CDH13: variants seen among roughly 807,000 people sequenced by gnomAD.
CDH13 encodes the protein cadherin 13.
CDH13 carries 24 observed loss-of-function variants against 63.8 expected under a neutral mutation model. That is an observed-to-expected ratio of 0.38 (90% CI 0.27 to 0.53). The LOEUF is 0.53. Among genes scored for constraint, CDH13 ranks in the 20% least tolerant of loss-of-function variants. CDH13 has a pLI of 0.85. For missense variants in CDH13, 1,049 were observed against 903.1 expected, an observed-to-expected ratio of 1.16 and a Z score of -2.07; for synonymous variants, 503 against 355.3, an observed-to-expected ratio of 1.42 and a Z score of -4.67.
intron 8 of CDH13, among the ~76,000 whole-genome samples, chr16:83,631,886 T>C (rs1910809510): frequency 1.3e-5 from 2 of 152,204 alleles, no homozygotes; most frequent in South Asian, 2.1e-4. Flanking sequence ...ATCAAGGTCA[T>C]GGATCCCAGG....
chr16:82,756,124 A>G (rs2151076387), intron 1 of CDH13, among the ~76,000 whole-genome samples: 1 of 152,330 alleles, frequency 6.6e-6, no homozygotes, highest in South Asian at 2.1e-4. Context: ...TATCATGGAA[A>G]GATTTTTGAG....
intron 11 of CDH13, among the ~76,000 whole-genome samples, chr16:83,752,344 T>C (rs552970158): frequency 2.0e-5 from 3 of 152,368 alleles, no homozygotes; most frequent in African/African-American, 7.2e-5. Context: ...AGTGACACTG[T>C]GTGCGTATAT....
chr16:83,392,789 C>G (rs1027829553), intron 6 of CDH13, among the ~76,000 whole-genome samples: 2 of 151,938 alleles, frequency 1.3e-5, no homozygotes, highest in Admixed American at 6.6e-5. Flanking sequence ...TATGCGGTGC[C>G]ATCTTTAAAT....
intron 2 of CDH13, among the ~76,000 whole-genome samples, chr16:82,976,602 T>G (rs1002547480): frequency 6.6e-6 from 1 of 152,186 alleles, no homozygotes; most frequent in Non-Finnish European, 1.5e-5. Flanking sequence ...ATTTTACAAC[T>G]GTAGAAACTG....
chr16:82,652,687 G>C (rs1320515802), intron 1 of CDH13, among the ~76,000 whole-genome samples: 1 of 151,202 alleles, frequency 6.6e-6, no homozygotes, highest in Non-Finnish European at 1.5e-5. Flanking sequence ...AACTTAACTG[G>C]CCTGCATTAC....
intron 2 of CDH13, among the ~76,000 whole-genome samples, chr16:82,999,435 C>T (rs975467311): frequency 6.6e-6 from 1 of 150,730 alleles, no homozygotes; most frequent in African/African-American, 2.5e-5. Flanking sequence ...AATATCATAA[C>T]CACATAACAC....
At chr16:83,366,691 C>T (rs2091263752) in intron 6 of CDH13, among the ~76,000 whole-genome samples, 1 of 152,156 alleles carries the variant, frequency 6.6e-6, no homozygotes, top group Non-Finnish European at 1.5e-5. Flanking sequence ...TGGAAGTAAT[C>T]CTTTATGATA....
At chr16:82,734,984 A>G (rs956934900) in intron 1 of CDH13, among the ~76,000 whole-genome samples, 27 of 152,200 alleles carry the variant, frequency 1.8e-4, no homozygotes, top group African/African-American at 6.5e-4. Flanking sequence ...AGCTAAAGCA[A>G]GACTAATTAG....
intron 1 of CDH13, among the ~76,000 whole-genome samples, chr16:82,650,887 A>G (rs1197452674): frequency 1.3e-5 from 2 of 152,216 alleles, no homozygotes; most frequent in African/African-American, 2.4e-5. Flanking sequence ...TAAACAGTTT[A>G]AATTGGAAAG....
intron 8 of CDH13, among the ~76,000 whole-genome samples, chr16:83,636,999 TCTG>T (rs1219439459): frequency 6.6e-6 from 1 of 152,238 alleles, no homozygotes; most frequent in African/African-American, 2.4e-5. Context: ...TTTGCATTTC[TCTG>T]CTGATTAGTG....
chr16:83,304,661 G>A (rs183403847), intron 5 of CDH13, among the ~76,000 whole-genome samples: 27 of 152,290 alleles, frequency 1.8e-4, no homozygotes, highest in African/African-American at 6.0e-4. Context: ...TTACTGAAAG[G>A]AGGAATAATG....
At chr16:83,145,332 A>G (rs2036704295) in intron 4 of CDH13, among the ~76,000 whole-genome samples, 1 of 152,238 alleles carries the variant, frequency 6.6e-6, no homozygotes, top group African/African-American at 2.4e-5. Context: ...TTTGAAACCC[A>G]ACAGTTATGA....
At chr16:83,380,006 C>T (rs141687587) in intron 6 of CDH13, among the ~76,000 whole-genome samples, 1 of 145,290 alleles carries the variant, frequency 6.9e-6, no homozygotes. Flanking sequence ...GGGCATATTC[C>T]ATATAATACA....
At chr16:83,295,318 G>C (rs1297363813) in intron 5 of CDH13, among the ~76,000 whole-genome samples, 2 of 152,084 alleles carry the variant, frequency 1.3e-5, no homozygotes, top group Non-Finnish European at 2.9e-5. Context: ...ATTGGTCTAG[G>C]CAAGGATTTT....
chr16:83,736,855 G>A (rs1486360089), intron 10 of CDH13, among the ~76,000 whole-genome samples: 3 of 152,182 alleles, frequency 2.0e-5, no homozygotes, highest in Non-Finnish European at 4.4e-5. Flanking sequence ...CAAGACGCCC[G>A]GTATGACCTT....
chr16:82,858,830 T>A, intron 2 of CDH13: 1 of 331,596 alleles, frequency 3.0e-6, no homozygotes, highest in South Asian at 8.9e-5. Context: ...CGCAGATTGC[T>A]GTTCTACCTG....
At chr16:83,416,493 A>G (rs1400875804) in intron 6 of CDH13, among the ~76,000 whole-genome samples, 1 of 152,122 alleles carries the variant, frequency 6.6e-6, no homozygotes, top group Non-Finnish European at 1.5e-5. Context: ...TGTGCCTCTC[A>G]TGTTTAAGTA....
chr16:83,755,441 T>G (rs575018472), intron 11 of CDH13, among the ~76,000 whole-genome samples: 12 of 152,290 alleles, frequency 7.9e-5, no homozygotes, highest in African/African-American at 2.9e-4. Flanking sequence ...TTCTCCCTAT[T>G]AAATCAAAAA....
chr16:83,580,517 C>G (rs1389145175), intron 7 of CDH13, among the ~76,000 whole-genome samples: 2 of 140,786 alleles, frequency 1.4e-5, no homozygotes, highest in Non-Finnish European at 3.1e-5. Context: ...TAAGTCAGGT[C>G]AGGGTCTCCA....
Sources: allele counts gnomAD v4.1 joint callset (sites outside exome capture counted in the v4.1 genomes callset), GRCh38; gene constraint gnomAD v4.1.1; transcripts MANE v1.5; gene names NCBI Gene and HGNC (gene_info 2026-07-23, HGNC 2026-07-21).